CAST: variants seen among roughly 807,000 people sequenced by gnomAD.
The protein encoded by CAST is MIR583 host.
A neutral mutation model predicts 119.6 loss-of-function variants in CAST; 76 were observed. That is an observed-to-expected ratio of 0.64 (90% CI 0.53 to 0.77). CAST has a LOEUF of 0.77. Among genes scored for constraint, CAST ranks in the 30% least tolerant of loss-of-function variants. CAST has a pLI of 0.00. For synonymous variants in CAST, 319 were observed against 331.6 expected, an observed-to-expected ratio of 0.96 and a Z score of 0.41; for missense variants, 953 against 946.5, an observed-to-expected ratio of 1.01 and a Z score of -0.09.
chr5:96,413,520 C>G, the CAST span, among the ~76,000 whole-genome samples: 492 of 152,300 alleles, frequency 3.2e-3, 8 homozygotes, highest in East Asian at 6.4e-3. Context: ...GCATTTAGAG[C>G]CAGGCGCAGT....
At chr5:96,526,240 G>A (rs1237604452), upstream of CAST, among the ~76,000 whole-genome samples, 2 of 152,222 alleles carry the variant, frequency 1.3e-5, no homozygotes, top group Non-Finnish European at 2.9e-5. Context: ...ACTCCAGGAA[G>A]CAGCCAGATG....
the CAST span, among the ~76,000 whole-genome samples, chr5:96,044,458 ACTTTC>A: frequency 6.6e-6 from 1 of 152,200 alleles, no homozygotes; most frequent in Non-Finnish European, 1.5e-5. Context: ...TTGATTTTGG[ACTTTC>A]TAGCCTCCAG....
chr5:96,068,294 C>T, the CAST span, among the ~76,000 whole-genome samples: 3 of 152,108 alleles, frequency 2.0e-5, no homozygotes, highest in Non-Finnish European at 4.4e-5. Flanking sequence ...TATATATTAT[C>T]TCTATTACTG....
the CAST span, among the ~76,000 whole-genome samples, chr5:96,323,990 C>T: frequency 6.6e-6 from 1 of 152,074 alleles, no homozygotes; most frequent in East Asian, 1.9e-4. Context: ...TATTTCTGTC[C>T]TTCTTTCTGG....
At chr5:96,356,120 C>G in the CAST span, among the ~76,000 whole-genome samples, 2 of 152,124 alleles carry the variant, frequency 1.3e-5, no homozygotes, top group Non-Finnish European at 2.9e-5. Flanking sequence ...TGTTTGTTGG[C>G]CACATAATTG....
chr5:96,203,172 G>T, the CAST span, among the ~76,000 whole-genome samples: 1 of 151,530 alleles, frequency 6.6e-6, no homozygotes, highest in Admixed American at 6.6e-5. Flanking sequence ...AATATATCGT[G>T]ATCACCTTTC....
At chr5:96,119,409 C>T in the CAST span, among the ~76,000 whole-genome samples, 1 of 152,094 alleles carries the variant, frequency 6.6e-6, no homozygotes, top group Non-Finnish European at 1.5e-5. Flanking sequence ...ATCCCAGCTT[C>T]TTTTAAAAAA....
At chr5:96,770,261 A>G in intron 29 of CAST, 1 of 417,084 alleles carries the variant, frequency 2.4e-6, no homozygotes, top group Non-Finnish European at 4.5e-6. Flanking sequence ...TTTGATTAGC[A>G]AAATAAGGTC....
chr5:96,507,518 G>GA, the CAST span, among the ~76,000 whole-genome samples: 1 of 149,992 alleles, frequency 6.7e-6, no homozygotes, highest in Non-Finnish European at 1.5e-5. Context: ...AGCACCAGAA[G>GA]AATAGTTTTC....
At chr5:96,625,737 AG>A in intron 1 of CAST, among the ~76,000 whole-genome samples, 1 of 152,246 alleles carries the variant, frequency 6.6e-6, no homozygotes, top group African/African-American at 2.4e-5. Flanking sequence ...TGGGAAGGAC[AG>A]ATGGCTGACA....
chr5:96,187,002 T>C, the CAST span, among the ~76,000 whole-genome samples: 1 of 152,194 alleles, frequency 6.6e-6, no homozygotes, highest in African/African-American at 2.4e-5. Context: ...GTTGGTAGGA[T>C]ATTTATTACT....
chr5:96,430,144 A>G, the CAST span, among the ~76,000 whole-genome samples: 2 of 152,202 alleles, frequency 1.3e-5, no homozygotes, highest in African/African-American at 4.8e-5. Context: ...TCAGAAAAGA[A>G]CATGCTACAT....
At chr5:96,505,076 C>A in the CAST span, among the ~76,000 whole-genome samples, 1 of 152,060 alleles carries the variant, frequency 6.6e-6, no homozygotes, top group Non-Finnish European at 1.5e-5. Flanking sequence ...TCAATATAAG[C>A]CTTTGTGTGG....
At chr5:96,217,221 TATAGAGATGAGGTCTTGC>T in the CAST span, among the ~76,000 whole-genome samples, 10 of 149,688 alleles carry the variant, frequency 6.7e-5, no homozygotes, top group Non-Finnish European at 1.0e-4. Context: ...TTTTTTTTTT[TATAGAGATGAGGTCTTGC>T]TTTGTTGCCC....
chr5:96,462,856 G>T, the CAST span, among the ~76,000 whole-genome samples: 1 of 151,984 alleles, frequency 6.6e-6, no homozygotes, highest in Admixed American at 6.6e-5. Flanking sequence ...ATAAGTGTTC[G>T]GCGGTTCCTC....
At chr5:96,421,830 A>T in the CAST span, 1 of 1,000,892 alleles carries the variant, frequency 1.0e-6, no homozygotes, top group Non-Finnish European at 1.6e-6. Flanking sequence ...CTCAAACAAG[A>T]TAAAAGCATT....
rs576612732 is a variant in CAST, at chr5:96,632,711, C to A, written c.61-42828C>A. 2.4e-5 allele frequency among the ~76,000 whole-genome samples: 3 copies of A among 124,054 alleles called. No homozygotes were observed. The East Asian group carries it at 6.7e-4, about 28-fold the overall frequency. 81.4% of individuals were successfully genotyped at this position (124,054 alleles called of 152,430 possible). On this transcript the variant is annotated intron_variant, in intron 1 of 11. Transcript: ENST00000505143. ...ACTATTTCTTCCTTCTCATTAAATT[C>A]TTTCAGCACCCTTGTCAAAATCAAT...
chr5:96,694,365 C>T (rs950388731), intron 2 of CAST, among the ~76,000 whole-genome samples: 41 of 152,174 alleles, frequency 2.7e-4, no homozygotes, highest in African/African-American at 9.2e-4. Context: ...TGGCCAGGCA[C>T]GGTGGCTCAC....
chr5:96,752,865 A>G (rs1765420945), intron 20 of CAST, among the ~76,000 whole-genome samples: 2 of 151,930 alleles, frequency 1.3e-5, no homozygotes, highest in Non-Finnish European at 2.9e-5. Flanking sequence ...CAAGACCAAC[A>G]GTGGGAAATT....
Sources: allele counts gnomAD v4.1 joint callset (sites outside exome capture counted in the v4.1 genomes callset), GRCh38; gene constraint gnomAD v4.1.1; transcripts MANE v1.5; gene names NCBI Gene and HGNC (gene_info 2026-07-23, HGNC 2026-07-21).